RYR2: variants seen among roughly 807,000 people sequenced by gnomAD.
The protein encoded by RYR2 is ryanodine receptor 2.
In RYR2, 227 loss-of-function variants were observed where a neutral mutation model predicts 601.1. That is an observed-to-expected ratio of 0.38 (90% confidence interval 0.34 to 0.42). The LOEUF is 0.42. Among genes scored for constraint, RYR2 ranks in the 10% least tolerant of loss-of-function variants. The pLI is 1.00. For synonymous variants in RYR2, 2,223 were observed against 2,175.1 expected (o/e 1.02, Z -0.61); for missense variants, 4,646 against 6,156.5 (o/e 0.75, Z 8.21).
chr1:237,259,199 A>G (rs1688274929), intron 1 of RYR2, among the ~76,000 whole-genome samples: 1 of 152,030 alleles, frequency 6.6e-6, no homozygotes, highest in South Asian at 2.1e-4. Flanking sequence ...TAGCTATATT[A>G]TTTTTGAGAT....
Position 237,441,318 on chromosome 1 carries a change from G to A in RYR2, c.1006-1G>A. On this transcript the variant is annotated splice_acceptor_variant, in intron 12 of 104. Transcript: ENST00000366574. LOFTEE classifies it high-confidence loss of function. ...ACCTTTTTTTCCTCCTCTCCCCTTAGGAAAAATTGGATGTAGGGGTGAGAA... is the reference window on the plus strand; with the variant it reads ...ACCTTTTTTTCCTCCTCTCCCCTTAAGAAAAATTGGATGTAGGGGTGAGAA... The A allele has an allele frequency of 6.2e-7, 1 of 1,613,244 alleles. No homozygotes were observed. Among genetic ancestry groups the A allele is most frequent in the Non-Finnish European group, 8.5e-7 (1 of 1,179,478 alleles).
chr1:237,097,849 T>C (rs1667651521), intron 1 of RYR2, among the ~76,000 whole-genome samples: 1 of 152,180 alleles, frequency 6.6e-6, no homozygotes, highest in Non-Finnish European at 1.5e-5. Context: ...AAATCAAGCC[T>C]CATATGCTGT....
At chr1:237,142,298 G>T (rs1421065919) in intron 1 of RYR2, among the ~76,000 whole-genome samples, 1 of 152,248 alleles carries the variant, frequency 6.6e-6, no homozygotes, top group Non-Finnish European at 1.5e-5. Context: ...TGAAGTGCTA[G>T]AGTCTGTTAT....
chr1:237,463,699 T>A (rs1659735636), intron 16 of RYR2, among the ~76,000 whole-genome samples: 1 of 152,132 alleles, frequency 6.6e-6, no homozygotes, highest in Admixed American at 6.5e-5. Context: ...AGATCTTAAC[T>A]TAGTCTTTAA....
intron 61 of RYR2, among the ~76,000 whole-genome samples, chr1:237,680,033 A>G (rs2148934292): frequency 6.6e-6 from 1 of 152,332 alleles, no homozygotes; most frequent in Middle Eastern, 3.4e-3. Flanking sequence ...ACACATTTCT[A>G]TGTCTCCATT....
intron 33 of RYR2, among the ~76,000 whole-genome samples, chr1:237,594,371 A>G (rs765042839): frequency 6.6e-6 from 1 of 152,044 alleles, no homozygotes; most frequent in Non-Finnish European, 1.5e-5. Context: ...TTTTTGGGAA[A>G]CTCACTTTCC....
rs370473584 is a variant in RYR2, at chr1:237,792,372, T to TGCGC, written c.13782+50_13782+51insCGCG. On this transcript the variant is annotated intron_variant, in intron 94 of 104. Transcript: ENST00000366574. The stretch of plus-strand genomic sequence containing the variant: ...ACCTGTGTGTGTGTGTGTGTGTGTG[T>TGCGC]GTGTGTGTGCGTGTGTGTGTGTGTG... The TGCGC allele has an allele frequency of 2.1e-5, 19 of 897,280 alleles. No individual in the cohort carries two copies. In the East Asian group the frequency reaches 3.3e-4, roughly 15 times the overall value. The allele number at this position is 897,280 out of a possible 1,614,324, so 55.6% of individuals were successfully genotyped here. A position where few individuals can be genotyped will look rare whatever the true frequency, so the allele number is the denominator to read the frequency against.
At chr1:237,417,291 C>T (rs1705108212) in intron 11 of RYR2, among the ~76,000 whole-genome samples, 168 bp downstream of exon 11, 1 of 151,848 alleles carries the variant, frequency 6.6e-6, no homozygotes, top group South Asian at 2.1e-4. Flanking sequence ...TTCCACCTAC[C>T]TTTATCATTC....
chr1:237,186,174 A>G (rs971170011), intron 1 of RYR2, among the ~76,000 whole-genome samples: 1 of 152,170 alleles, frequency 6.6e-6, no homozygotes, highest in Non-Finnish European at 1.5e-5. Flanking sequence ...TACAGCTGTG[A>G]ATTAGAAAAA....
chr1:237,488,627 A>G (rs1662966325), intron 17 of RYR2, among the ~76,000 whole-genome samples: 1 of 152,124 alleles, frequency 6.6e-6, no homozygotes, highest in Non-Finnish European at 1.5e-5. Flanking sequence ...AATAGCCTTA[A>G]CCGATGACAT....
chr1:237,360,848 G>C (rs1407381133), intron 4 of RYR2, among the ~76,000 whole-genome samples: 2 of 152,088 alleles, frequency 1.3e-5, no homozygotes, highest in African/African-American at 4.8e-5. Context: ...TTTTAGCAGG[G>C]GAATCCTGGA....
Position 237,496,493 on chromosome 1 carries a change from A to G in RYR2, c.1962-18A>G, listed in dbSNP as rs1664089312. 6.2e-7 allele frequency: 1 copy of G among 1,608,558 alleles called. No homozygotes were observed. The highest frequency in any genetic ancestry group is 1.3e-5 in the African/African-American group (1 of 74,782). ...TTTTTTTGGACTTTCCTTACATGTG[A>G]TTCCCGTCTCTTTAAAGCATGAGAC... On this transcript the variant is annotated intron_variant, in intron 19 of 104. Coordinates refer to ENST00000366574, the MANE Select transcript of RYR2 (RefSeq NM_001035.3).
chr1:237,660,883 G>A lies in RYR2; in HGVS notation c.8372G>A (p.Arg2791Lys). The A allele has an allele frequency of 6.5e-7, 1 of 1,539,920 alleles. No homozygotes were observed. The highest frequency in any genetic ancestry group is 8.8e-7 in the Non-Finnish European group (1 of 1,140,114). The change falls in exon 56 of 105, where the codon AGA becomes AAA. Residue 2791 changes from arginine (R) to lysine (K), a missense_variant. Arg to Lys is a conservative substitution (Grantham distance 26). Coordinates refer to ENST00000366574, the MANE Select transcript of RYR2 (RefSeq NM_001035.3). ...CTGGCTTGGGGCTGGAGAATTGAAA[G>A]AACTCGGGAGGGAGACAGCATGGCC... ...TMLAWGWRIE[R>K]TREGDSMALY...
At chr1:237,063,166 G>C (rs762972975) in intron 1 of RYR2, among the ~76,000 whole-genome samples, 13 of 152,152 alleles carry the variant, frequency 8.5e-5, no homozygotes, top group Non-Finnish European at 1.8e-4. Flanking sequence ...TGAGAAAACA[G>C]CAGGCAGTCT....
rs749982597 is a variant in RYR2 at position 237,118,689 on chromosome 1, C to T, written c.48+76120C>T. The stretch of plus-strand genomic sequence containing the variant: ...GCATGATTTGGCTCACTGCAACCTC[C>T]GCCTCCCGGATTCAAGCGATTCTCC... On this transcript the variant is annotated intron_variant, in intron 1 of 104. Transcript: ENST00000366574. Among the ~76,000 whole-genome samples, 53 of 151,932 alleles carry T rather than the reference C, an allele frequency of 3.5e-4. 1 individual carries two copies. The highest frequency in any genetic ancestry group is 5.6e-4 in the Non-Finnish European group (38 of 67,986).
chr1:237,316,749 T>C (rs547797136), intron 2 of RYR2, among the ~76,000 whole-genome samples: 3 of 152,310 alleles, frequency 2.0e-5, no homozygotes, highest in East Asian at 1.9e-4. Flanking sequence ...TTTAGGTTCT[T>C]CTTAGCTGTA....
intron 7 of RYR2, 130 bp from the exon 8 acceptor site, chr1:237,377,193 T>G: frequency 1.7e-6 from 1 of 581,752 alleles, no homozygotes; most frequent in Non-Finnish European, 2.9e-6. Flanking sequence ...CTTTCTCTTT[T>G]CATGGTGTAA....
intron 1 of RYR2, among the ~76,000 whole-genome samples, chr1:237,238,725 T>C (rs1685847327): frequency 6.6e-6 from 1 of 152,178 alleles, no homozygotes; most frequent in Admixed American, 6.5e-5. Context: ...CACATCCAGG[T>C]CAATAATAGA....
intron 1 of RYR2, among the ~76,000 whole-genome samples, chr1:237,190,458 GT>G (rs1293498051): frequency 6.6e-6 from 1 of 151,996 alleles, no homozygotes; most frequent in East Asian, 1.9e-4. Flanking sequence ...GGGTTTTTTG[GT>G]TGTTGCTGAG....
Sources: allele counts gnomAD v4.1 joint callset (sites outside exome capture counted in the v4.1 genomes callset), GRCh38; gene constraint gnomAD v4.1.1; transcripts MANE v1.5; gene names NCBI Gene and HGNC (gene_info 2026-07-23, HGNC 2026-07-21).